Variants in PTPRD observed in about 807,000 individuals in gnomAD.
PTPRD encodes the protein receptor-type tyrosine-protein phosphatase delta.
Under a neutral mutation model 214.5 loss-of-function variants are expected in PTPRD, and 34 were observed. The observed-to-expected ratio is 0.16, with a 90% CI of 0.12 to 0.21. The LOEUF is 0.21. Among genes scored for constraint, PTPRD ranks in the 10% least tolerant of loss-of-function variants. The probability of loss-of-function intolerance (pLI) is 1.00; values close to 1 mark genes in which losing one functional copy is unlikely to be tolerated. For synonymous variants in PTPRD, 1,128 were observed against 845.7 expected (o/e 1.33, Z -5.79); for missense variants, 2,545 against 2,398.7 (o/e 1.06, Z -1.27).
At chr9:9,070,422 A>G (rs1279880157) in intron 10 of PTPRD, among the ~76,000 whole-genome samples, 1 of 152,182 alleles carries the variant, frequency 6.6e-6, no homozygotes, top group East Asian at 1.9e-4. Context: ...AGGTAGCAAC[A>G]TCGATCCAAA....
At chr9:9,618,067 A>G (rs1483764025) in intron 7 of PTPRD, among the ~76,000 whole-genome samples, 3 of 100,788 alleles carry the variant, frequency 3.0e-5, no homozygotes, top group Admixed American at 2.6e-4. Flanking sequence ...GCGAGACTCC[A>G]TCTCAAAAAA....
chr9:8,358,318 T>C (rs771124428), intron 39 of PTPRD, among the ~76,000 whole-genome samples: 9 of 152,260 alleles, frequency 5.9e-5, no homozygotes, highest in Non-Finnish European at 1.2e-4. Context: ...CTGGTTAAAA[T>C]AGTTTAAACA....
At chr9:9,802,746 C>G (rs1428365712) in intron 5 of PTPRD, among the ~76,000 whole-genome samples, 1 of 151,716 alleles carries the variant, frequency 6.6e-6, no homozygotes, top group South Asian at 2.1e-4. Flanking sequence ...ATACACCTAT[C>G]AGTTTTTTCT....
At chr9:8,640,327 T>C (rs2096546218) in intron 12 of PTPRD, among the ~76,000 whole-genome samples, 1 of 151,924 alleles carries the variant, frequency 6.6e-6, no homozygotes, top group African/African-American at 2.4e-5. Context: ...ACAACCTGGG[T>C]GACAAGAGTG....
At chr9:9,175,637 A>AC (rs2099924309) in intron 10 of PTPRD, among the ~76,000 whole-genome samples, 3 of 151,492 alleles carry the variant, frequency 2.0e-5, no homozygotes, top group African/African-American at 7.3e-5. Flanking sequence ...AAAAAAAAAA[A>AC]AAAAAAAAAA....
chr9:9,191,403 T>C (rs1011772815), intron 9 of PTPRD, among the ~76,000 whole-genome samples: 1 of 152,166 alleles, frequency 6.6e-6, no homozygotes, highest in African/African-American at 2.4e-5. Flanking sequence ...GATACCCTGA[T>C]TGCAGTCTCG....
chr9:8,324,718 C>A (rs866356167), intron 44 of PTPRD, among the ~76,000 whole-genome samples: 3 of 152,302 alleles, frequency 2.0e-5, no homozygotes, highest in South Asian at 4.1e-4. Flanking sequence ...CACCCACCAA[C>A]AGTGTAAAAG....
intron 10 of PTPRD, among the ~76,000 whole-genome samples, chr9:9,080,582 A>G (rs2154420849): frequency 6.6e-6 from 1 of 152,176 alleles, no homozygotes; most frequent in African/African-American, 2.4e-5. Flanking sequence ...GGCAGTAGAG[A>G]TAGCATGTGA....
chr9:9,698,436 T>G (rs1487413366), intron 7 of PTPRD, among the ~76,000 whole-genome samples: 2 of 152,090 alleles, frequency 1.3e-5, no homozygotes, highest in Non-Finnish European at 2.9e-5. Context: ...ATAGGGGAGA[T>G]CCCAAAGGGC....
chr9:9,476,168 G>C (rs1411052004), intron 8 of PTPRD, among the ~76,000 whole-genome samples: 1 of 152,162 alleles, frequency 6.6e-6, no homozygotes, highest in African/African-American at 2.4e-5. Context: ...CTAGGTATCA[G>C]AACAGAATCC....
chr9:8,768,499 G>C (rs1041714705), intron 11 of PTPRD, among the ~76,000 whole-genome samples: 11 of 152,168 alleles, frequency 7.2e-5, no homozygotes, highest in Admixed American at 5.2e-4. Context: ...GCTGCAGTGA[G>C]CACAGATTGA....
intron 8 of PTPRD, among the ~76,000 whole-genome samples, chr9:9,443,090 A>G (rs1185821421): frequency 6.6e-6 from 1 of 152,206 alleles, no homozygotes; most frequent in East Asian, 1.9e-4. Flanking sequence ...TCTGCATCAC[A>G]GAAGAAAATT....
At chr9:8,376,271 T>C (rs1244585667) in intron 38 of PTPRD, among the ~76,000 whole-genome samples, 181 bp from the exon 39 acceptor site, 1 of 152,074 alleles carries the variant, frequency 6.6e-6, no homozygotes, top group East Asian at 1.9e-4. Flanking sequence ...TGACAAATAT[T>C]TGCGCAGGAA....
chr9:8,510,943 T>A (rs143469970), intron 21 of PTPRD, among the ~76,000 whole-genome samples: 2 of 152,296 alleles, frequency 1.3e-5, no homozygotes, highest in African/African-American at 4.8e-5. Context: ...TATCTGTCTA[T>A]TGAATTTTTA....
intron 5 of PTPRD, among the ~76,000 whole-genome samples, chr9:9,842,595 G>T (rs2058596718): frequency 1.3e-5 from 2 of 151,404 alleles, no homozygotes; most frequent in South Asian, 4.2e-4. Flanking sequence ...GTTAAAACCT[G>T]ATATTCTGAT....
chr9:10,503,193 C>CAAAAAAAAAAAAAAAAAAAAA (rs753847764), intron 2 of PTPRD, among the ~76,000 whole-genome samples: 9 of 69,034 alleles, frequency 1.3e-4, no homozygotes, highest in East Asian at 5.3e-4. Flanking sequence ...AGCTGCAATA[C>CAAAAAAAAAAAAAAAAAAAAA]AAAAAAAAAA....
chr9:8,937,476 G>A (rs1053364123), intron 11 of PTPRD, among the ~76,000 whole-genome samples: 2 of 152,138 alleles, frequency 1.3e-5, no homozygotes, highest in African/African-American at 4.8e-5. Context: ...TTGGATGACT[G>A]TCATAAATCA....
chr9:9,916,619 TA>T (rs1024813684), intron 5 of PTPRD, among the ~76,000 whole-genome samples: 1 of 151,798 alleles, frequency 6.6e-6, no homozygotes, highest in Non-Finnish European at 1.5e-5. Context: ...GTGAAAGTTA[TA>T]AAAAAAGATG....
chr9:9,256,432 T>C (rs1298009810), intron 9 of PTPRD, among the ~76,000 whole-genome samples: 2 of 151,974 alleles, frequency 1.3e-5, no homozygotes, highest in African/African-American at 2.4e-5. Context: ...TCCATTTTTG[T>C]ACTATTTTTC....
Sources: allele counts gnomAD v4.1 joint callset (sites outside exome capture counted in the v4.1 genomes callset), GRCh38; gene constraint gnomAD v4.1.1; transcripts MANE v1.5; gene names NCBI Gene and HGNC (gene_info 2026-07-23, HGNC 2026-07-21).